RAB6A: variants seen among roughly 807,000 people sequenced by gnomAD.
RAB6A encodes ras-related protein Rab-6A.
A neutral mutation model predicts 32.3 loss-of-function variants in RAB6A; 8 were observed. The observed-to-expected ratio is 0.25, with a 90% confidence interval of 0.15 to 0.45. The LOEUF (loss-of-function observed/expected upper bound fraction) is 0.45. Among genes scored for constraint, RAB6A ranks in the 20% least tolerant of loss-of-function variants. RAB6A has a pLI of 1.00. For synonymous variants in RAB6A, 73 were observed against 82.1 expected, an observed-to-expected ratio of 0.89 and a Z score of 0.60; for missense variants, 104 against 249.4, an observed-to-expected ratio of 0.42 and a Z score of 3.93.
At chr11:73,715,904 A>T (rs1946045141) in intron 5 of RAB6A, among the ~76,000 whole-genome samples, 1 of 152,200 alleles carries the variant, frequency 6.6e-6, no homozygotes, top group Non-Finnish European at 1.5e-5. Context: ...ATCATTATGA[A>T]CAATTTTTAA....
intron 5 of RAB6A, among the ~76,000 whole-genome samples, chr11:73,709,005 C>A (rs1945895105): frequency 6.6e-6 from 1 of 152,192 alleles, no homozygotes; most frequent in South Asian, 2.1e-4. Context: ...GTTATCTTCT[C>A]ATTCTCTCTG....
chr11:73,684,333 T>C (rs1360458796), intron 6 of RAB6A, among the ~76,000 whole-genome samples: 1 of 152,122 alleles, frequency 6.6e-6, no homozygotes, highest in Non-Finnish European at 1.5e-5. Context: ...CACATCTGGC[T>C]AAATTTTGTA....
chr11:73,710,028 G>A (rs1451016132), intron 5 of RAB6A, among the ~76,000 whole-genome samples: 3 of 146,700 alleles, frequency 2.0e-5, no homozygotes, highest in Non-Finnish European at 3.0e-5. Context: ...GCACGATCTC[G>A]GCTCACTGCA....
chr11:73,678,054 C>T (rs2134855416), intron 7 of RAB6A, 92 bp from the exon 8 acceptor site: 5 of 1,311,002 alleles, frequency 3.8e-6, no homozygotes, highest in Non-Finnish European at 4.4e-6. Context: ...ATATTCCTAT[C>T]TGTCTTCAGA....
intron 1 of RAB6A, among the ~76,000 whole-genome samples, chr11:73,739,972 T>C: frequency 6.6e-6 from 1 of 150,696 alleles, no homozygotes; most frequent in Non-Finnish European, 1.5e-5. Flanking sequence ...GGCAGGAGAA[T>C]CGCTTGAACC....
intron 1 of RAB6A, among the ~76,000 whole-genome samples, chr11:73,741,521 T>C (rs1278290384): frequency 6.6e-6 from 1 of 150,904 alleles, no homozygotes; most frequent in Non-Finnish European, 1.5e-5. Context: ...CACACAAAAA[T>C]CTGCACAAGA....
rs1946831881 is a variant in RAB6A, at chr11:73,760,680, C to T, written c.-45G>A. 3 of 1,582,006 alleles carry T rather than the reference C, an allele frequency of 1.9e-6. No homozygotes were observed. Among genetic ancestry groups the T allele is most frequent in the Non-Finnish European group, 2.6e-6 (3 of 1,164,426 alleles). ...CCGCCGCCTCAGCCTAGAGACCTCC[C>T]GGACCGATGCTGCTCCAGCCAGCTG... On this transcript the variant is annotated 5_prime_UTR_variant, in exon 1 of 8. Transcript: ENST00000336083.
chr11:73,708,271 C>T lies in RAB6A; in HGVS notation c.402-758G>A, dbSNP rs188751725. ...GCAACCTCCAACACCTGGGTTCAAG[C>T]GATTCTCCTGCCTCAGCCTCCTGAG... On this transcript the variant is annotated intron_variant, in intron 5 of 7. Transcript: ENST00000336083. Among the ~76,000 whole-genome samples, 246 of 152,212 alleles carry T rather than the reference C, an allele frequency of 1.6e-3. 2 individuals carry two copies. The highest frequency in any genetic ancestry group is 5.7e-3 in the African/African-American group (236 of 41,530).
At chr11:73,706,813 C>T (rs917341633) in intron 6 of RAB6A, among the ~76,000 whole-genome samples, 5 of 152,152 alleles carry the variant, frequency 3.3e-5, no homozygotes, top group African/African-American at 1.2e-4. Flanking sequence ...TCAGTCTTGG[C>T]ATCAAACTCT....
rs576444812 is a variant in RAB6A at position 73,715,414 on chromosome 11, G to A, written c.401+837C>T. 3.0e-4 allele frequency among the ~76,000 whole-genome samples: 46 copies of A among 152,242 alleles called. 1 individual carries two copies. The South Asian group carries it at 7.5e-3, about 25-fold the overall frequency. ...GCTGGGATTACAGTTGTGAGCCACC[G>A]CACCCGGCCTGTACTACCAATTCTA... On this transcript the variant is annotated intron_variant, in intron 5 of 7. Transcript: ENST00000336083.
chr11:73,685,900 A>AAAAAAAAAAAC (rs1945446876), intron 6 of RAB6A, among the ~76,000 whole-genome samples: 1 of 112,880 alleles, frequency 8.9e-6, no homozygotes, highest in Non-Finnish European at 2.0e-5. Context: ...AAAAAAAAAA[A>AAAAAAAAAAAC]AAAAAAAAGC....
chr11:73,730,542 A>C (rs1255930421), intron 2 of RAB6A: 1 of 470,526 alleles, frequency 2.1e-6, no homozygotes, highest in Non-Finnish European at 3.7e-6. Context: ...ATGATATTGG[A>C]GATATATTTC....
intron 6 of RAB6A, among the ~76,000 whole-genome samples, chr11:73,693,513 G>C (rs867788333): frequency 6.8e-6 from 1 of 147,332 alleles, no homozygotes; most frequent in Admixed American, 6.8e-5. Context: ...CACTTGGAGT[G>C]TAGGAGTTTG....
intron 1 of RAB6A, among the ~76,000 whole-genome samples, chr11:73,740,546 C>T (rs1345813866): frequency 1.3e-5 from 2 of 151,726 alleles, no homozygotes; most frequent in Non-Finnish European, 2.9e-5. Context: ...TCTAAAAGAC[C>T]TAAATTGAAT....
At position 73,705,767 on chromosome 11, in the gene RAB6A, T is replaced by TGAGAGAGAGAGAGAGA. The variant is rs3046616; in HGVS notation, c.495+1637_495+1652dup. 2.6e-3 allele frequency among the ~76,000 whole-genome samples: 357 copies of TGAGAGAGAGAGAGAGA among 134,816 alleles called. 2 individuals are homozygous for TGAGAGAGAGAGAGAGA. The highest frequency in any genetic ancestry group is 0.011 in the Middle Eastern group (3 of 282). The allele number at this position is 134,816 out of a possible 152,430, so 88.4% of individuals were successfully genotyped here. A position where few individuals can be genotyped will look rare whatever the true frequency, so the allele number is the denominator to read the frequency against. On this transcript the variant is annotated intron_variant, in intron 6 of 7. Transcript: ENST00000336083. ...AGGTTCTGGGAATATATAATTCCGA[T>TGAGAGAGAGAGAGAGA]GAGAGAGAGAGAGAGAGAGAGAGAG...
intron 6 of RAB6A, among the ~76,000 whole-genome samples, chr11:73,704,901 CAGG>C (rs1945811681): frequency 1.3e-5 from 2 of 151,740 alleles, no homozygotes; most frequent in African/African-American, 4.8e-5. Flanking sequence ...GAGGCTGAGG[CAGG>C]AGAATGGCGT....
chr11:73,743,461 A>G (rs1230417819), intron 1 of RAB6A, among the ~76,000 whole-genome samples: 2 of 152,136 alleles, frequency 1.3e-5, no homozygotes, highest in Non-Finnish European at 2.9e-5. Context: ...AAGGACCTTT[A>G]TGTCAAACTT....
rs1361496864 is a variant in RAB6A at position 73,675,825 on chromosome 11, A to G, written c.*2073T>C. 1 of 167,046 alleles carries G rather than the reference A, an allele frequency of 6.0e-6. No individual in the cohort carries two copies. The highest frequency in any genetic ancestry group is 1.5e-5 in the Non-Finnish European group (1 of 68,130). The allele number at this position is 167,046 out of a possible 1,614,324, so 10.3% of individuals were successfully genotyped here. A position where few individuals can be genotyped will look rare whatever the true frequency, so the allele number is the denominator to read the frequency against. On this transcript the variant is annotated 3_prime_UTR_variant, in exon 8 of 8. Transcript: ENST00000336083. ...ATACATAAAAAGAATCAAATGCAAC[A>G]GTGTAGGAAGACAATCACACCCATG...
intron 3 of RAB6A, among the ~76,000 whole-genome samples, chr11:73,720,563 T>A (rs1015053996): frequency 1.1e-4 from 17 of 152,192 alleles, no homozygotes; most frequent in African/African-American, 4.1e-4. Flanking sequence ...AATTGAAATC[T>A]TTTTGAATGC....
Sources: allele counts gnomAD v4.1 joint callset (sites outside exome capture counted in the v4.1 genomes callset), GRCh38; gene constraint gnomAD v4.1.1; transcripts MANE v1.5; gene names NCBI Gene and HGNC (gene_info 2026-07-23, HGNC 2026-07-21).